HDAC4: variants seen among roughly 807,000 people sequenced by gnomAD.
HDAC4 encodes histone deacetylase A.
Under a neutral mutation model 135.1 loss-of-function variants are expected in HDAC4, and 16 were observed. The ratio of observed to expected loss-of-function variants is 0.12; its 90% CI spans 0.08 to 0.18. The LOEUF (loss-of-function observed/expected upper bound fraction) is 0.18. HDAC4 is among the 10% of genes least tolerant of loss of function. HDAC4 has a pLI of 1.00. For synonymous variants in HDAC4, 685 were observed against 653.4 expected, an observed-to-expected ratio of 1.05 and a Z score of -0.74; for missense variants, 1,143 against 1,511.8, an observed-to-expected ratio of 0.76 and a Z score of 4.05.
chr2:239,079,941 CCA>C (rs761222009), intron 22 of HDAC4, among the ~76,000 whole-genome samples: 5 of 148,476 alleles, frequency 3.4e-5, no homozygotes, highest in African/African-American at 5.3e-5. Flanking sequence ...GCATCCACAC[CCA>C]CACAGATGTG....
At chr2:239,367,095 C>G (rs1694269535) in intron 1 of HDAC4, among the ~76,000 whole-genome samples, 2 of 152,204 alleles carry the variant, frequency 1.3e-5, no homozygotes, top group African/African-American at 2.4e-5. Flanking sequence ...CCCAGCCACA[C>G]AGAAACCCGT....
chr2:239,368,953 C>T (rs1160068213), intron 1 of HDAC4, among the ~76,000 whole-genome samples: 1 of 152,176 alleles, frequency 6.6e-6, no homozygotes, highest in African/African-American at 2.4e-5. Flanking sequence ...TGATTATTCA[C>T]AGCCGTCAGA....
At chr2:239,099,592 T>C (rs3791396) in intron 16 of HDAC4, among the ~76,000 whole-genome samples, 44,395 of 152,208 alleles carry the variant, frequency 0.29, 6,678 homozygotes, top group Non-Finnish European at 0.32. Context: ...CCTCGATGCA[T>C]GGCCTTTGTC....
At position 239,262,583 on chromosome 2, in the gene HDAC4, C is replaced by T. The variant is rs961880707; in HGVS notation, c.23-25919G>A. ...AGGGGGCCAGAGCCTGGCTCTGACA[C>T]TCTTGGCCAAATGTCCCCATCCTCA... On this transcript the variant is annotated intron_variant, in intron 2 of 26. Coordinates refer to ENST00000543185, the MANE Select transcript of HDAC4 (RefSeq NM_001378414.1). This position sits in a 1 kb window ranked among gnomAD's most constrained non-coding sequence, Gnocchi z 4.1. 9.9e-5 allele frequency among the ~76,000 whole-genome samples: 15 copies of T among 152,254 alleles called. No individual in the cohort carries two copies. Among genetic ancestry groups the T allele is most frequent in the African/African-American group, 2.9e-4 (12 of 41,474 alleles).
rs369124920 is a variant in HDAC4, at chr2:239,139,636, C to G, written c.978+48G>C. ...GGGGTCATTTCAAGCTCATCCGTCC[C>G]GAGTCCGACTCTAGCCGTAGGACAC... On this transcript the variant is annotated intron_variant, in intron 9 of 26. Coordinates refer to ENST00000543185, the MANE Select transcript of HDAC4 (RefSeq NM_001378414.1). The surrounding 1 kb of genome is among the most constrained non-coding windows in gnomAD (Gnocchi z 5.3). The G allele has an allele frequency of 6.6e-7, 1 of 1,515,768 alleles. No homozygotes were observed. Among genetic ancestry groups the G allele is most frequent in the Non-Finnish European group, 9.2e-7 (1 of 1,090,392 alleles). The allele number at this position is 1,515,768 out of a possible 1,614,324, so 93.9% of individuals were successfully genotyped here.
At position 239,245,708 on chromosome 2, in the gene HDAC4, A is replaced by G. The variant is rs916702266; in HGVS notation, c.23-9044T>C. On this transcript the variant is annotated intron_variant, in intron 2 of 26. Transcript: ENST00000543185. This position sits in a 1 kb window ranked among gnomAD's most constrained non-coding sequence, Gnocchi z 4.4. ...TATGCACTGGTCTCTTTCCTTTCAT[A>G]TATCTTTGAAACTTTTCATAACAAT... Among the ~76,000 whole-genome samples, 6 of 152,156 alleles carry G rather than the reference A, an allele frequency of 3.9e-5. No individual in the cohort carries two copies. The highest frequency in any genetic ancestry group is 1.4e-4 in the African/African-American group (6 of 41,428).
chr2:239,375,872 A>AT (rs1380765202), intron 1 of HDAC4, among the ~76,000 whole-genome samples: 1 of 152,098 alleles, frequency 6.6e-6, no homozygotes, highest in African/African-American at 2.4e-5. Context: ...GCCGGCCCTT[A>AT]TGGGGGAGGG....
chr2:239,348,167 G>GCGGGGCTC (rs1692852344), intron 2 of HDAC4, among the ~76,000 whole-genome samples: 1 of 148,778 alleles, frequency 6.7e-6, no homozygotes, highest in Non-Finnish European at 1.5e-5. Context: ...CAAATGCACT[G>GCGGGGCTC]CTTCCTATCG....
intron 2 of HDAC4, among the ~76,000 whole-genome samples, chr2:239,249,088 G>A (rs1243551968): frequency 6.6e-6 from 1 of 152,214 alleles, no homozygotes; most frequent in Admixed American, 6.5e-5. Flanking sequence ...ACCTGAGAGG[G>A]CCCTGTGAGG....
chr2:239,245,016 A>G lies in HDAC4; in HGVS notation c.23-8352T>C, dbSNP rs1284469155. 3.3e-5 allele frequency among the ~76,000 whole-genome samples: 5 copies of G among 152,360 alleles called. No individual in the cohort carries two copies. The highest frequency in any genetic ancestry group is 7.3e-5 in the Non-Finnish European group (5 of 68,032). ...TCCATAACAGTGCTTGCATCTGCCC[A>G]TTAATAGAAATTAAACTTTAATGAG... On this transcript the variant is annotated intron_variant, in intron 2 of 26. Transcript: ENST00000543185. This position sits in a 1 kb window ranked among gnomAD's most constrained non-coding sequence, Gnocchi z 4.4.
At chr2:239,346,377 T>C (rs1692670177) in intron 2 of HDAC4, among the ~76,000 whole-genome samples, 2 of 149,086 alleles carry the variant, frequency 1.3e-5, no homozygotes, top group Admixed American at 1.3e-4. Context: ...ACACACATCC[T>C]GTCTAGAACA....
chr2:239,350,993 C>T (rs146379662), intron 2 of HDAC4, among the ~76,000 whole-genome samples: 2,270 of 152,290 alleles, frequency 0.015, 28 homozygotes, highest in Middle Eastern at 0.034. Context: ...TTTCCCATAG[C>T]ACACTGACAA....
rs1051875902 is a variant in HDAC4, at chr2:239,089,788, A to G, written c.2388+221T>C. 9.9e-5 allele frequency: 57 copies of G among 573,182 alleles called. No homozygotes were observed. The African/African-American group carries it at 1.0e-3, about 10-fold the overall frequency. 35.5% of individuals were successfully genotyped at this position (573,182 alleles called of 1,614,324 possible). On this transcript the variant is annotated intron_variant, in intron 18 of 26. Coordinates refer to ENST00000543185, the MANE Select transcript of HDAC4 (RefSeq NM_001378414.1). ...AGTATAAAGGGTTCTTAAGACCCAA[A>G]TCATTGAGAATCTCTGTACTATGCA...
Position 239,307,230 on chromosome 2 carries a change from C to G in HDAC4, c.22+45448G>C, listed in dbSNP as rs1205046572. The stretch of plus-strand genomic sequence containing the variant: ...CAGGGCCTGGGGCAGGCTCCGTGCC[C>G]CAATGGTCATCCTCAGATGAGTGGG... On this transcript the variant is annotated intron_variant, in intron 2 of 26. Transcript: ENST00000543185. This position sits in a 1 kb window ranked among gnomAD's most constrained non-coding sequence, Gnocchi z 4.8. 6.6e-6 allele frequency among the ~76,000 whole-genome samples: 1 copy of G among 152,156 alleles called. No individual in the cohort carries two copies. Among genetic ancestry groups the G allele is most frequent in the Non-Finnish European group, 1.5e-5 (1 of 68,026 alleles).
chr2:239,344,446 T>C (rs1692488707), intron 2 of HDAC4, among the ~76,000 whole-genome samples: 1 of 152,112 alleles, frequency 6.6e-6, no homozygotes, highest in Non-Finnish European at 1.5e-5. Flanking sequence ...AAACAAACCA[T>C]CAATGCTCCA....
At chr2:239,372,450 G>C (rs1294309009) in intron 1 of HDAC4, among the ~76,000 whole-genome samples, 2 of 152,220 alleles carry the variant, frequency 1.3e-5, no homozygotes, top group African/African-American at 4.8e-5. Flanking sequence ...CCCTTGCAAG[G>C]CCACCAGGGT....
intron 24 of HDAC4, among the ~76,000 whole-genome samples, chr2:239,060,933 G>A (rs1322129280): frequency 2.6e-5 from 4 of 152,238 alleles, no homozygotes; most frequent in Non-Finnish European, 5.9e-5. Context: ...CCAGAGGGAC[G>A]GCCCCGCTGT....
chr2:239,117,604 G>T lies in HDAC4; in HGVS notation c.1534-2294C>A, dbSNP rs551392363. Among the ~76,000 whole-genome samples the T allele has an allele frequency of 2.0e-5, 3 of 150,738 alleles. No homozygotes were observed. In the East Asian group the frequency reaches 5.8e-4, roughly 29 times the overall value. The stretch of plus-strand genomic sequence containing the variant: ...AAAAAAAAAGCTCAGGAGAGAGGGC[G>T]GGGGTCTGGAGTTAGACTAGGAAGG... On this transcript the variant is annotated intron_variant, in intron 12 of 26. Transcript: ENST00000543185.
chr2:239,205,663 GGAA>G (rs1317538581), intron 3 of HDAC4, among the ~76,000 whole-genome samples: 5 of 151,804 alleles, frequency 3.3e-5, no homozygotes, highest in East Asian at 1.9e-4. Context: ...GAACAACACA[GGAA>G]GAAGAAGAAA....
Sources: gnomAD v4.1 joint callset for allele counts (sites outside exome capture counted in the v4.1 genomes callset) on GRCh38, gnomAD v4.1.1 for gene constraint, Gnocchi (gnomAD v3.1) non-coding constraint, MANE v1.5 for transcripts, NCBI Gene and HGNC (gene_info 2026-07-23, HGNC 2026-07-21) for gene names.